ADAMTS12: variants seen among roughly 807,000 people sequenced by gnomAD.
The protein encoded by ADAMTS12 is A disintegrin and metalloproteinase with thrombospondin motifs 12.
A neutral mutation model predicts 167.8 loss-of-function variants in ADAMTS12; 118 were observed. That is an observed-to-expected ratio of 0.70 (90% CI 0.61 to 0.82). ADAMTS12 has a LOEUF of 0.82. Among genes scored for constraint, ADAMTS12 ranks in the 40% least tolerant of loss-of-function variants. ADAMTS12 has a pLI of 0.00. For missense variants in ADAMTS12, 1,916 were observed against 1,998.8 expected, an observed-to-expected ratio of 0.96 and a Z score of 0.79; for synonymous variants, 704 against 716.9, an observed-to-expected ratio of 0.98 and a Z score of 0.29.
rs538176177 is a variant in ADAMTS12, at chr5:33,686,765, C to A, written c.635-2710G>T. Among the ~76,000 whole-genome samples the A allele has an allele frequency of 8.1e-3, 1,189 of 146,152 alleles. 14 individuals are homozygous for A. The highest frequency in any genetic ancestry group is 0.023 in the African/African-American group (893 of 39,496). On this transcript the variant is annotated intron_variant, in intron 3 of 23. Transcript: ENST00000504830. ...CAGGAAGATATATACACCTCTCTCT[C>A]TATATATATATATATATTCAGTGCC...
intron 2 of ADAMTS12, among the ~76,000 whole-genome samples, chr5:33,828,552 T>C (rs915853122): frequency 6.6e-6 from 1 of 152,226 alleles, no homozygotes; most frequent in East Asian, 1.9e-4. Context: ...AATATGTTCC[T>C]ACCACTAAGT....
chr5:33,873,147 C>T (rs1445541620), intron 2 of ADAMTS12, among the ~76,000 whole-genome samples: 2 of 144,614 alleles, frequency 1.4e-5, no homozygotes, highest in Admixed American at 7.0e-5. Flanking sequence ...TCACAGATGA[C>T]GTGAATGCTA....
intron 15 of ADAMTS12, among the ~76,000 whole-genome samples, chr5:33,614,783 C>T (rs550971937): frequency 6.6e-6 from 1 of 152,292 alleles, no homozygotes; most frequent in South Asian, 2.1e-4. Context: ...GTAAGTGCCA[C>T]AGTTTGCCCA....
At chr5:33,881,009 G>GATCAT (rs1750414152) in intron 2 of ADAMTS12, 110 bp downstream of exon 2, 2 of 1,465,368 alleles carry the variant, frequency 1.4e-6, no homozygotes, top group Non-Finnish European at 1.8e-6. Flanking sequence ...CACATCACAG[G>GATCAT]GGTTCAACTC....
intron 2 of ADAMTS12, among the ~76,000 whole-genome samples, chr5:33,773,603 A>C (rs1054792034): frequency 1.3e-5 from 2 of 152,132 alleles, no homozygotes; most frequent in Non-Finnish European, 2.9e-5. Context: ...TGACTCCCAG[A>C]AGTAGCATGA....
chr5:33,794,811 A>C (rs752194180), intron 2 of ADAMTS12, among the ~76,000 whole-genome samples: 3 of 152,154 alleles, frequency 2.0e-5, no homozygotes, highest in Non-Finnish European at 4.4e-5. Context: ...TGACTCCAGA[A>C]CTTAAGAGTA....
chr5:33,579,967 G>A (rs1371997987), intron 18 of ADAMTS12, among the ~76,000 whole-genome samples: 1 of 152,206 alleles, frequency 6.6e-6, no homozygotes, highest in Non-Finnish European at 1.5e-5. Context: ...TCTTGGTGAG[G>A]TAGGTGCAGG....
In ADAMTS12 at chr5:33,532,859, G is replaced by A. The variant is rs539735797; in HGVS notation, c.4606+1974C>T. 1.5e-3 allele frequency among the ~76,000 whole-genome samples: 233 copies of A among 152,288 alleles called. 1 individual carries two copies. Among genetic ancestry groups the A allele is most frequent in the African/African-American group, 5.4e-3 (224 of 41,548 alleles). ...TTATTGTGAAAGCTGATTGACAAGAGTCTGGGCATTGAATGAATATTTTCA... is the reference window on the plus strand; with the variant it reads ...TTATTGTGAAAGCTGATTGACAAGAATCTGGGCATTGAATGAATATTTTCA... On this transcript the variant is annotated intron_variant, in intron 23 of 23. Transcript: ENST00000504830.
chr5:33,641,548 C>T (rs573920340), intron 11 of ADAMTS12, among the ~76,000 whole-genome samples: 1 of 152,276 alleles, frequency 6.6e-6, no homozygotes, highest in South Asian at 2.1e-4. Flanking sequence ...AAGAAATTTG[C>T]TTTATTTCCC....
chr5:33,881,476 AT>A lies in ADAMTS12; in HGVS notation c.131del (p.His44LeufsTer17). 6.2e-7 allele frequency: 1 copy of A among 1,610,454 alleles called. No homozygotes were observed. Among genetic ancestry groups the A allele is most frequent in the Non-Finnish European group, 8.5e-7 (1 of 1,179,090 alleles). ...PVRFPDRRQE[H>X]FIKGLPEYHV... ...GGTATTCTGGCAGGCCCTTGATAAA[AT>A]GCTCTGAAAGAAAAGGAGAAATGGA... On this transcript the variant is annotated frameshift_variant, in exon 2 of 24. Transcript: ENST00000504830. LOFTEE classifies it high-confidence loss of function.
intron 17 of ADAMTS12, among the ~76,000 whole-genome samples, chr5:33,591,810 A>C (rs1747652471): frequency 6.6e-6 from 1 of 152,146 alleles, no homozygotes; most frequent in African/African-American, 2.4e-5. Context: ...CGTCGTCACA[A>C]ATCAGTGGTG....
chr5:33,561,749 C>G (rs1307058184), intron 19 of ADAMTS12, among the ~76,000 whole-genome samples: 1 of 152,160 alleles, frequency 6.6e-6, no homozygotes, highest in African/African-American at 2.4e-5. Context: ...CCACTGCACT[C>G]CAGCCTAGGT....
At chr5:33,716,735 A>G (rs1445471104) in intron 3 of ADAMTS12, among the ~76,000 whole-genome samples, 2 of 152,170 alleles carry the variant, frequency 1.3e-5, no homozygotes, top group African/African-American at 4.8e-5. Context: ...AAAAAACTTG[A>G]GTAGTTTTCT....
intron 2 of ADAMTS12, among the ~76,000 whole-genome samples, chr5:33,803,598 T>G (rs1032430660): frequency 2.6e-5 from 4 of 152,174 alleles, no homozygotes; most frequent in Non-Finnish European, 5.9e-5. Flanking sequence ...GACAATTGTA[T>G]TAGTCTGTTC....
At chr5:33,652,945 T>A (rs961828203) in intron 7 of ADAMTS12, among the ~76,000 whole-genome samples, 3 of 152,146 alleles carry the variant, frequency 2.0e-5, no homozygotes, top group Non-Finnish European at 4.4e-5. Context: ...GTCCCCCACA[T>A]ATACAATGAT....
At position 33,873,546 on chromosome 5, in the gene ADAMTS12, T is replaced by C. The variant is rs1393431536; in HGVS notation, c.489+7573A>G. On this transcript the variant is annotated intron_variant, in intron 2 of 23. Coordinates refer to ENST00000504830, the MANE Select transcript of ADAMTS12 (RefSeq NM_030955.4). ...CAACCAAAATCTTAGCAATTTACTT[T>C]GTGGATATTCACAAAATGATTCTAA... is the stretch of plus-strand genomic sequence containing the variant. 2.0e-5 allele frequency among the ~76,000 whole-genome samples: 3 copies of C among 152,220 alleles called. No homozygotes were observed. The East Asian group carries it at 5.8e-4, about 29-fold the overall frequency.
At chr5:33,771,445 T>C (rs867808477) in intron 2 of ADAMTS12, among the ~76,000 whole-genome samples, 18 of 152,326 alleles carry the variant, frequency 1.2e-4, no homozygotes, top group African/African-American at 4.3e-4. Context: ...GAAACATTCA[T>C]CAACACATTA....
In ADAMTS12 at chr5:33,685,326, C is replaced by A. The variant is rs115515914; in HGVS notation, c.635-1271G>T. 4.2e-3 allele frequency among the ~76,000 whole-genome samples: 640 copies of A among 152,324 alleles called. 4 individuals carry two copies. Among genetic ancestry groups the A allele is most frequent in the African/African-American group, 0.015 (613 of 41,566 alleles). ...AATTCTCGACTGCATTGAGCTGAAA[C>A]CTGCCTCTCTGTCATTCCTCCTCGT... On this transcript the variant is annotated intron_variant, in intron 3 of 23. Coordinates refer to ENST00000504830, the MANE Select transcript of ADAMTS12 (RefSeq NM_030955.4).
intron 23 of ADAMTS12, among the ~76,000 whole-genome samples, chr5:33,529,524 G>A (rs1038440045): frequency 3.3e-5 from 5 of 152,138 alleles, no homozygotes; most frequent in South Asian, 2.1e-4. Flanking sequence ...TAAACAGGCC[G>A]CTGTCCTTTG....
Sources: gnomAD v4.1 joint callset for allele counts (sites outside exome capture counted in the v4.1 genomes callset) on GRCh38, gnomAD v4.1.1 for gene constraint, MANE v1.5 for transcripts, NCBI Gene and HGNC (gene_info 2026-07-23, HGNC 2026-07-21) for gene names.